IHO1: variants seen among roughly 807,000 people sequenced by gnomAD.
The protein encoded by IHO1 is interactor of HORMAD1 1, also known as interactor of HORMAD1 protein 1.
IHO1 carries 13 observed loss-of-function variants against 31.0 expected under a neutral mutation model. The ratio of observed to expected loss-of-function variants is 0.42; its 90% CI spans 0.27 to 0.67. The LOEUF (loss-of-function observed/expected upper bound fraction) is 0.67. Ranked by LOEUF, IHO1 falls within the 30% of genes least tolerant of loss-of-function variation. The pLI, the probability that IHO1 is intolerant of heterozygous loss-of-function variation, is 0.24. For synonymous variants in IHO1, 221 were observed against 248.4 expected (o/e 0.89, Z 1.04); for missense variants, 599 against 687.5 (o/e 0.87, Z 1.44).
chr3:49,237,338 C>T (rs1389658810), intron 3 of IHO1, among the ~76,000 whole-genome samples: 1 of 152,108 alleles, frequency 6.6e-6, no homozygotes, highest in Non-Finnish European at 1.5e-5. Context: ...TAGAGCATGA[C>T]TCTGTCTCAA....
At chr3:49,218,125 G>A (rs1292257904) in intron 2 of IHO1, among the ~76,000 whole-genome samples, 4 of 152,050 alleles carry the variant, frequency 2.6e-5, no homozygotes, top group African/African-American at 9.7e-5. Context: ...GCTTGAGCTG[G>A]CTGCCCCCAT....
At chr3:49,249,989 T>C (rs1330634860) in intron 6 of IHO1, among the ~76,000 whole-genome samples, 2 of 152,200 alleles carry the variant, frequency 1.3e-5, no homozygotes, top group Non-Finnish European at 2.9e-5. Flanking sequence ...TTAAAAATCA[T>C]CTTAACAGGA....
chr3:49,254,977 C>T (rs532317569), intron 6 of IHO1, among the ~76,000 whole-genome samples: 15 of 151,848 alleles, frequency 9.9e-5, no homozygotes, highest in East Asian at 5.8e-4. Flanking sequence ...GCAGGAGAAT[C>T]GCTCAAACCT....
rs764072693 is a variant in IHO1 at position 49,257,053 on chromosome 3, C to T, written c.1556C>T (p.Thr519Ile). 2 of 1,614,240 alleles carry T rather than the reference C, an allele frequency of 1.2e-6. No individual in the cohort carries two copies. Among genetic ancestry groups the T allele is most frequent in the Non-Finnish European group, 8.5e-7 (1 of 1,180,042 alleles). ...RKPVCPILGG[T>I]VMPNKTVRAV... The stretch of plus-strand genomic sequence containing the variant: ...CCAGTCTGCCCTATTCTGGGAGGAA[C>T]AGTCATGCCCAATAAGACAGTAAGG... The change falls in exon 8 of 8, where the codon ACA becomes ATA. Residue 519 changes from threonine to isoleucine, a missense_variant. By Grantham distance (89) the Thr-to-Ile change is moderately conservative. Coordinates refer to ENST00000452691, the MANE Select transcript of IHO1 (RefSeq NM_001135197.2).
chr3:49,247,140 C>T (rs886437236), intron 6 of IHO1, among the ~76,000 whole-genome samples: 6 of 151,824 alleles, frequency 4.0e-5, no homozygotes, highest in South Asian at 4.2e-4. Flanking sequence ...TGAGCTACCG[C>T]GCCTGGCAGG....
intron 2 of IHO1, among the ~76,000 whole-genome samples, chr3:49,221,100 G>A (rs924813686): frequency 1.3e-5 from 2 of 152,178 alleles, no homozygotes; most frequent in African/African-American, 4.8e-5. Context: ...GCTGATTGGT[G>A]CATTTACAAT....
In IHO1 at chr3:49,229,099, G is replaced by A. The variant is rs571653804; in HGVS notation, c.57-7449G>A. On this transcript the variant is annotated intron_variant, in intron 2 of 7. Coordinates refer to ENST00000452691, the MANE Select transcript of IHO1 (RefSeq NM_001135197.2). The stretch of plus-strand genomic sequence containing the variant: ...ACAATCCTTTAGCTAGACACATAGC[G>A]CTGATTGGTGCGTTTTTACAGAGTG... 3.3e-5 allele frequency among the ~76,000 whole-genome samples: 5 copies of A among 152,034 alleles called. 1 individual carries two copies. The highest frequency in any genetic ancestry group is 4.4e-5 in the Non-Finnish European group (3 of 67,998).
At chr3:49,228,243 A>G in intron 2 of IHO1, 1 of 427,502 alleles carries the variant, frequency 2.3e-6, no homozygotes. Flanking sequence ...CCAGAACTGA[A>G]TGGCTTTCCT....
chr3:49,195,936 T>TA (rs535294316), upstream of IHO1, among the ~76,000 whole-genome samples: 336 of 134,542 alleles, frequency 2.5e-3, 1 homozygote, highest in South Asian at 6.6e-3. Context: ...CCATCTCTAC[T>TA]AAAAAAAAAA....
At chr3:49,226,263 GC>G (rs1285461882) in intron 2 of IHO1, among the ~76,000 whole-genome samples, 1 of 152,070 alleles carries the variant, frequency 6.6e-6, no homozygotes, top group African/African-American at 2.4e-5. Context: ...GTTTAATAAT[GC>G]CTCCAGATTT....
intron 2 of IHO1, among the ~76,000 whole-genome samples, chr3:49,215,530 G>C (rs949490535): frequency 6.6e-6 from 1 of 152,086 alleles, no homozygotes; most frequent in Non-Finnish European, 1.5e-5. Context: ...TTATCTCAGG[G>C]AATGTTTCTG....
intron 2 of IHO1, among the ~76,000 whole-genome samples, chr3:49,216,043 A>G (rs575453323): frequency 6.6e-6 from 1 of 152,336 alleles, no homozygotes; most frequent in South Asian, 2.1e-4. Context: ...AACAAGTAGT[A>G]TTAATATTAT....
chr3:49,223,633 G>C (rs2046382032), intron 2 of IHO1, among the ~76,000 whole-genome samples: 1 of 152,000 alleles, frequency 6.6e-6, no homozygotes, highest in African/African-American at 2.4e-5. Context: ...AGAGCTTGCA[G>C]TGAGCCGAGA....
chr3:49,214,560 G>T (rs1394273907), intron 2 of IHO1, among the ~76,000 whole-genome samples: 1 of 86,642 alleles, frequency 1.2e-5, no homozygotes, highest in African/African-American at 4.6e-5. Flanking sequence ...AAAAAAAAAT[G>T]CTTACAGTTG....
rs762951732 is a variant in IHO1, at chr3:49,256,563, A to C, written c.1066A>C (p.Asn356His). The C allele has an allele frequency of 1.2e-6, 2 of 1,614,218 alleles. No individual in the cohort carries two copies. Among genetic ancestry groups the C allele is most frequent in the South Asian group, 2.2e-5 (2 of 91,088 alleles). Residue 356 changes from asparagine to histidine, a missense_variant, in exon 8 of 8, where the codon AAC (asparagine) becomes CAC (histidine). Transcript: ENST00000452691. The surrounding 1 kb of genome is among the most constrained non-coding windows in gnomAD (Gnocchi z 4.6). Reference sequence around the variant, plus strand: ...TGTAAAGGACAAGGTGGTGCAGACTAACTGCAAGAACTGGGCTGTTACTAA... The same window carrying C: ...TGTAAAGGACAAGGTGGTGCAGACTCACTGCAAGAACTGGGCTGTTACTAA... Reference protein sequence around the residue: ...RHVKDKVVQTNCKNWAVTKTG... With the variant: ...RHVKDKVVQTHCKNWAVTKTG...
intron 2 of IHO1, among the ~76,000 whole-genome samples, chr3:49,221,250 G>T (rs2046352402): frequency 6.6e-6 from 1 of 152,040 alleles, no homozygotes; most frequent in Non-Finnish European, 1.5e-5. Context: ...ACAGAGTGCT[G>T]ATTGGTGCGT....
At chr3:49,236,484 A>C in intron 2 of IHO1, 64 bp from the exon 3 acceptor site, 1 of 1,242,284 alleles carries the variant, frequency 8.0e-7, no homozygotes, top group Admixed American at 2.0e-5. Flanking sequence ...GACAGCTGTG[A>C]ACTATGATTT....
intron 1 of IHO1, among the ~76,000 whole-genome samples, chr3:49,205,318 C>A (rs954448018): frequency 6.6e-6 from 1 of 150,920 alleles, no homozygotes; most frequent in East Asian, 1.9e-4. Context: ...GCGGTGAGGG[C>A]GACCAGAGGT....
chr3:49,254,880 A>G (rs1272426219), intron 6 of IHO1, among the ~76,000 whole-genome samples: 1 of 152,056 alleles, frequency 6.6e-6, no homozygotes, highest in Non-Finnish European at 1.5e-5. Context: ...CCTGGCCAAC[A>G]TAGTGAAACC....
Sources: allele counts gnomAD v4.1 joint callset (sites outside exome capture counted in the v4.1 genomes callset), GRCh38; gene constraint gnomAD v4.1.1; non-coding constraint Gnocchi (gnomAD v3.1); transcripts MANE v1.5; gene names NCBI Gene and HGNC (gene_info 2026-07-23, HGNC 2026-07-21).